SLC6A6: variants seen among roughly 807,000 people sequenced by gnomAD.
SLC6A6 encodes the protein sodium- and chloride-dependent taurine transporter.
SLC6A6 carries 16 observed loss-of-function variants against 68.8 expected under a neutral mutation model. The observed-to-expected ratio is 0.23, with a 90% CI of 0.16 to 0.35. SLC6A6 has a LOEUF of 0.35. Among genes scored for constraint, SLC6A6 ranks in the 10% least tolerant of loss-of-function variants. The pLI is 1.00. For missense variants in SLC6A6, 474 were observed against 802.8 expected, an observed-to-expected ratio of 0.59 and a Z score of 4.95; for synonymous variants, 312 against 315.4, an observed-to-expected ratio of 0.99 and a Z score of 0.12.
chr3:14,470,569 T>C (rs1440466498), intron 9 of SLC6A6, among the ~76,000 whole-genome samples: 2 of 152,156 alleles, frequency 1.3e-5, no homozygotes, highest in Non-Finnish European at 2.9e-5. Context: ...AACGAGCGAA[T>C]TGAGAATCTT....
chr3:14,467,730 T>C (rs977205988), intron 7 of SLC6A6, 123 bp from the exon 8 acceptor site: 2 of 624,790 alleles, frequency 3.2e-6, no homozygotes. Context: ...AAATGTTCCA[T>C]TTGCATGTGC....
At position 14,474,182 on chromosome 3, in the gene SLC6A6, C is replaced by T. The variant is rs149804848; in HGVS notation, c.1209+1865C>T. Among the ~76,000 whole-genome samples, 39 of 152,306 alleles carry T rather than the reference C, an allele frequency of 2.6e-4. No individual in the cohort carries two copies. In the East Asian group the frequency reaches 6.4e-3, roughly 25 times the overall value. ...CAGGGAACCAGGATGGGAATCTGAT[C>T]GCACAGGTGGGGCTTCCTCCTTTGC... On this transcript the variant is annotated intron_variant, in intron 10 of 14. Coordinates refer to ENST00000622186, the MANE Select transcript of SLC6A6 (RefSeq NM_003043.6).
chr3:14,475,529 T>G (rs947890649), intron 10 of SLC6A6, among the ~76,000 whole-genome samples: 6 of 152,150 alleles, frequency 3.9e-5, no homozygotes, highest in Non-Finnish European at 7.3e-5. Flanking sequence ...GAGAGGCAAG[T>G]GAGGCTCGGA....
chr3:14,446,952 C>A (rs1217441607), intron 4 of SLC6A6, among the ~76,000 whole-genome samples: 2 of 152,186 alleles, frequency 1.3e-5, no homozygotes, highest in African/African-American at 4.8e-5. Context: ...TTAAGCCTTT[C>A]TTCCATTAAA....
intron 5 of SLC6A6, among the ~76,000 whole-genome samples, chr3:14,455,321 T>C (rs1012661518): frequency 1.3e-5 from 2 of 152,166 alleles, no homozygotes; most frequent in African/African-American, 4.8e-5. Flanking sequence ...CACCACTGGT[T>C]TGACCAGCAT....
intron 5 of SLC6A6, among the ~76,000 whole-genome samples, chr3:14,452,775 C>T (rs867608446): frequency 2.5e-4 from 38 of 152,196 alleles, no homozygotes; most frequent in African/African-American, 6.8e-4. Flanking sequence ...AATTGAGCGC[C>T]GAGTTGCTCT....
chr3:14,434,191 A>G (rs149426346), intron 2 of SLC6A6, among the ~76,000 whole-genome samples: 1 of 152,296 alleles, frequency 6.6e-6, no homozygotes, highest in Non-Finnish European at 1.5e-5. Flanking sequence ...CTGGGTTTGA[A>G]TCCAGCTGTA....
chr3:14,446,981 A>G (rs193287239), intron 4 of SLC6A6, among the ~76,000 whole-genome samples: 185 of 152,260 alleles, frequency 1.2e-3, no homozygotes, highest in African/African-American at 4.1e-3. Context: ...TAATTAGACT[A>G]TCCATCCATT....
At chr3:14,483,432 C>G (rs1439679717) in intron 14 of SLC6A6, among the ~76,000 whole-genome samples, 2 of 152,222 alleles carry the variant, frequency 1.3e-5, no homozygotes, top group Non-Finnish European at 2.9e-5. Context: ...CAGGATGGTT[C>G]CAGCTCTGCC....
intron 2 of SLC6A6, among the ~76,000 whole-genome samples, chr3:14,419,081 A>T (rs568220736): frequency 2.6e-5 from 4 of 152,322 alleles, no homozygotes; most frequent in African/African-American, 9.6e-5. Flanking sequence ...ATGGGCTGTT[A>T]CAGGCAGTAA....
chr3:14,445,625 C>T, intron 3 of SLC6A6, 92 bp from the exon 4 acceptor site: 2 of 1,431,360 alleles, frequency 1.4e-6, no homozygotes, highest in Non-Finnish European at 2.0e-6. Context: ...CATGCATTCT[C>T]TCTGGTTCCA....
chr3:14,452,202 G>C lies in SLC6A6; in HGVS notation c.599+4386G>C, dbSNP rs529776847. Among the ~76,000 whole-genome samples the C allele has an allele frequency of 1.1e-4, 16 of 152,286 alleles. No homozygotes were observed. The South Asian group carries it at 2.3e-3, about 22-fold the overall frequency. Reference sequence around the variant, plus strand: ...TGGGTGACATTCCCCTTTCCTTGTGGGGGGAGACAAAGCTCAACTCTGGCT... The same window carrying C: ...TGGGTGACATTCCCCTTTCCTTGTGCGGGGAGACAAAGCTCAACTCTGGCT... On this transcript the variant is annotated intron_variant, in intron 5 of 14. Transcript: ENST00000622186.
chr3:14,466,785 C>T, intron 7 of SLC6A6, 135 bp downstream of exon 7: 2 of 753,780 alleles, frequency 2.7e-6, no homozygotes, highest in African/African-American at 3.5e-5. Context: ...GGGCCACCGC[C>T]CCCTGGTACT....
At position 14,447,639 on chromosome 3, in the gene SLC6A6, T is replaced by C; in HGVS notation, c.422T>C (p.Ile141Thr). 6.2e-7 allele frequency: 1 copy of C among 1,614,266 alleles called. No individual in the cohort carries two copies. The highest frequency in any genetic ancestry group is 8.5e-7 in the Non-Finnish European group (1 of 1,180,040). Reference protein sequence around the residue: ...VSLLNVYYIVILAWATYYLFQ... With the variant: ...VSLLNVYYIVTLAWATYYLFQ... ...CTCCTGAATGTCTACTACATCGTCA[T>C]CCTGGCCTGGGCCACATACTACCTG... is the stretch of plus-strand genomic sequence containing the variant. The change falls in exon 5 of 15, where the codon ATC (isoleucine) becomes ACC (threonine). Residue 141 changes from isoleucine to threonine, a missense_variant. By Grantham distance (89) the Ile-to-Thr change is moderately conservative. Coordinates refer to ENST00000622186, the MANE Select transcript of SLC6A6 (RefSeq NM_003043.6).
chr3:14,466,019 T>C (rs1700607655), intron 6 of SLC6A6, among the ~76,000 whole-genome samples: 1 of 152,150 alleles, frequency 6.6e-6, no homozygotes, highest in African/African-American at 2.4e-5. Context: ...CCCAGCACTT[T>C]GGGAGGCTGA....
At chr3:14,444,820 A>G (rs185396878) in intron 3 of SLC6A6, 1 of 456,632 alleles carries the variant, frequency 2.2e-6, no homozygotes, top group Non-Finnish European at 4.4e-6. Context: ...AGTTGCCCAC[A>G]GTTTCAAAGG....
intron 2 of SLC6A6, among the ~76,000 whole-genome samples, chr3:14,436,021 C>G (rs1699844375): frequency 6.6e-6 from 1 of 152,222 alleles, no homozygotes; most frequent in South Asian, 2.1e-4. Context: ...TTGAGTTAGC[C>G]TTTCCTTGGG....
rs1018768040 is a variant in SLC6A6 at position 14,477,056 on chromosome 3, C to A, written c.1210-149C>A. The A allele has an allele frequency of 1.6e-4, 113 of 701,302 alleles. No individual in the cohort carries two copies. The Middle Eastern group carries it at 1.7e-3, about 10-fold the overall frequency. 43.4% of individuals were successfully genotyped at this position (701,302 alleles called of 1,614,324 possible). A position where few individuals can be genotyped will look rare whatever the true frequency, so the allele number is the denominator to read the frequency against. ...CAGTCAGGGAGGCCAGGCTTCCACA[C>A]TTGGACTTGATCTCACAGGCCAATT... On this transcript the variant is annotated intron_variant, in intron 10 of 14. Coordinates refer to ENST00000622186, the MANE Select transcript of SLC6A6 (RefSeq NM_003043.6). This position sits in a 1 kb window ranked among gnomAD's most constrained non-coding sequence, Gnocchi z 4.2.
intron 2 of SLC6A6, among the ~76,000 whole-genome samples, chr3:14,430,573 G>A (rs773819342): frequency 5.3e-5 from 8 of 152,346 alleles, no homozygotes; most frequent in South Asian, 2.1e-4. Context: ...GGATTTTAGC[G>A]CTGAGCTTTT....
Sources: allele counts gnomAD v4.1 joint callset (sites outside exome capture counted in the v4.1 genomes callset), GRCh38; gene constraint gnomAD v4.1.1; non-coding constraint Gnocchi (gnomAD v3.1); transcripts MANE v1.5; gene names NCBI Gene and HGNC (gene_info 2026-07-23, HGNC 2026-07-21).